The following PCDHGB5 variants were observed in gnomAD, a reference collection of about 807,000 sequenced individuals.
PCDHGB5 encodes the protein protocadherin gamma-B5.
Under a neutral mutation model 62.9 loss-of-function variants are expected in PCDHGB5, and 48 were observed. That is an observed-to-expected ratio of 0.76 (90% confidence interval 0.61 to 0.97). PCDHGB5 has a LOEUF of 0.97. Among genes scored for constraint, PCDHGB5 ranks in the 50% least tolerant of loss-of-function variants. The probability of loss-of-function intolerance (pLI) is 0.00; values close to 1 mark genes in which losing one functional copy is unlikely to be tolerated. For missense variants in PCDHGB5, 1,118 were observed against 1,198.6 expected, an observed-to-expected ratio of 0.93 and a Z score of 0.99; for synonymous variants, 474 against 511.2, an observed-to-expected ratio of 0.93 and a Z score of 0.98.
At position 141,398,050 on chromosome 5, in the gene PCDHGB5, T is replaced by C. The variant is rs558695876; in HGVS notation, c.-78T>C. Reference sequence around the variant, plus strand: ...ACTGGAACTAAAGCCCGTTCGGAGATCCAAAAATCTACAATACAGAGGTTA... The same window carrying C: ...ACTGGAACTAAAGCCCGTTCGGAGACCCAAAAATCTACAATACAGAGGTTA... On this transcript the variant is annotated 5_prime_UTR_variant, in exon 1 of 4. Coordinates refer to ENST00000617380, the MANE Select transcript of PCDHGB5 (RefSeq NM_018925.3). 12 of 1,510,524 alleles carry C rather than the reference T, an allele frequency of 7.9e-6. No individual in the cohort carries two copies. The African/African-American group carries it at 1.1e-4, about 14-fold the overall frequency. 93.6% of individuals were successfully genotyped at this position (1,510,524 alleles called of 1,614,324 possible). A position where few individuals can be genotyped will look rare whatever the true frequency, so the allele number is the denominator to read the frequency against.
intron 1 of PCDHGB5, among the ~76,000 whole-genome samples, chr5:141,429,826 C>T (rs1211415098): frequency 2.6e-5 from 4 of 152,054 alleles, no homozygotes; most frequent in Non-Finnish European, 4.4e-5. Context: ...GGTCAGTTAC[C>T]CAGGAAAAGG....
chr5:141,478,509 G>C, intron 1 of PCDHGB5: 1 of 1,611,878 alleles, frequency 6.2e-7, no homozygotes, highest in Non-Finnish European at 8.5e-7. Context: ...GTGTTCTATA[G>C]GCAGGTGTTG....
intron 1 of PCDHGB5, chr5:141,418,471 G>A (rs199547102): frequency 1.9e-6 from 3 of 1,614,002 alleles, no homozygotes; most frequent in South Asian, 2.2e-5. Flanking sequence ...ACCGAGAAAC[G>A]CAGAGCGCTC....
At chr5:141,403,056 T>A in intron 1 of PCDHGB5, 1 of 1,614,046 alleles carries the variant, frequency 6.2e-7, no homozygotes, top group Non-Finnish European at 8.5e-7. Flanking sequence ...CGCTACTCAG[T>A]GCCTGAAGAG....
At position 141,435,341 on chromosome 5, in the gene PCDHGB5, C is replaced by T. The variant is rs73794903; in HGVS notation, c.2397+34817C>T. 9.3e-3 allele frequency among the ~76,000 whole-genome samples: 1,412 copies of T among 152,206 alleles called. 25 individuals carry two copies. Among genetic ancestry groups the T allele is most frequent in the African/African-American group, 0.032 (1,313 of 41,532 alleles). On this transcript the variant is annotated intron_variant, in intron 1 of 3. Coordinates refer to ENST00000617380, the MANE Select transcript of PCDHGB5 (RefSeq NM_018925.3). ...ACTTCCAAATATAGTGAATTTATTT[C>T]TTCTGCATTTAAAATTTTATCACTT...
intron 1 of PCDHGB5, among the ~76,000 whole-genome samples, chr5:141,459,962 C>T (rs994878993): frequency 5.3e-5 from 8 of 152,290 alleles, no homozygotes; most frequent in South Asian, 2.1e-4. Flanking sequence ...CCTGTAATCC[C>T]AGCTACTCAG....
At chr5:141,502,008 C>T (rs753492460) in intron 2 of PCDHGB5, among the ~76,000 whole-genome samples, 6 of 152,086 alleles carry the variant, frequency 3.9e-5, no homozygotes, top group Non-Finnish European at 8.8e-5. Context: ...AACCCGCATG[C>T]TCTCCTCCCT....
At position 141,477,023 on chromosome 5, in the gene PCDHGB5, A is replaced by T. The variant is rs763926460; in HGVS notation, c.2398-17784A>T. ...ATTCGCCTTAGACCTTGTAACCGGG[A>T]TGCTGACAATCAAGGGTCGGCTGGA... is the stretch of plus-strand genomic sequence containing the variant. On this transcript the variant is annotated intron_variant, in intron 1 of 3. Transcript: ENST00000617380. The surrounding 1 kb of genome is among the most constrained non-coding windows in gnomAD (Gnocchi z 4.9). 6.2e-7 allele frequency: 1 copy of T among 1,614,240 alleles called. No homozygotes were observed. The highest frequency in any genetic ancestry group is 8.5e-7 in the Non-Finnish European group (1 of 1,180,040).
chr5:141,500,232 G>A (rs1024752888), intron 2 of PCDHGB5, among the ~76,000 whole-genome samples: 1 of 137,690 alleles, frequency 7.3e-6, no homozygotes, highest in South Asian at 2.3e-4. Flanking sequence ...TTATTGATAC[G>A]TAGCCTTGCT....
At chr5:141,409,967 AC>A (rs779248187) in intron 1 of PCDHGB5, 29 of 1,613,086 alleles carry the variant, frequency 1.8e-5, no homozygotes, top group Non-Finnish European at 2.4e-5. Flanking sequence ...CTACCTAGTG[AC>A]TAAGGTGGTA....
At chr5:141,453,083 A>G (rs1404530649) in intron 1 of PCDHGB5, among the ~76,000 whole-genome samples, 1 of 152,044 alleles carries the variant, frequency 6.6e-6, no homozygotes, top group African/African-American at 2.4e-5. Flanking sequence ...CTGGTTGATT[A>G]GTATATTTTC....
At chr5:141,423,256 G>C (rs751894091) in intron 1 of PCDHGB5, 1 of 1,613,934 alleles carries the variant, frequency 6.2e-7, no homozygotes. Flanking sequence ...GGCGGACCTC[G>C]GCAGCCTCGA....
intron 1 of PCDHGB5, chr5:141,409,423 T>G: frequency 6.2e-7 from 1 of 1,614,026 alleles, no homozygotes; most frequent in Non-Finnish European, 8.5e-7. Context: ...TGGTGACAGA[T>G]GGAGCCCTGG....
chr5:141,410,788 C>A, intron 1 of PCDHGB5: 2 of 712,228 alleles, frequency 2.8e-6, no homozygotes, highest in Non-Finnish European at 4.0e-6. Context: ...GTATTTGGTT[C>A]ATAAGTTGCT....
rs539348000 is a variant in PCDHGB5 at position 141,504,908 on chromosome 5, G to A, written c.2457-485G>A. 5.9e-5 allele frequency among the ~76,000 whole-genome samples: 9 copies of A among 152,208 alleles called. No homozygotes were observed. In the East Asian group the frequency reaches 1.7e-3, roughly 29 times the overall value. On this transcript the variant is annotated intron_variant, in intron 2 of 3. Coordinates refer to ENST00000617380, the MANE Select transcript of PCDHGB5 (RefSeq NM_018925.3). Reference sequence around the variant, plus strand: ...AGGTCTGATCTCCCTCACTATGACAGGAAGCCAGGCTCTCTCATGGTGGGT... The same window carrying A: ...AGGTCTGATCTCCCTCACTATGACAAGAAGCCAGGCTCTCTCATGGTGGGT...
chr5:141,444,325 C>G (rs2098432231), intron 1 of PCDHGB5, among the ~76,000 whole-genome samples: 1 of 151,840 alleles, frequency 6.6e-6, no homozygotes, highest in Non-Finnish European at 1.5e-5. Flanking sequence ...GCATGTGCCA[C>G]CACGCCCAGC....
Position 141,487,532 on chromosome 5 carries a change from A to C in PCDHGB5, c.2398-7275A>C. 6.2e-7 allele frequency: 1 copy of C among 1,614,158 alleles called. No homozygotes were observed. Among genetic ancestry groups the C allele is most frequent in the Non-Finnish European group, 8.5e-7 (1 of 1,180,022 alleles). On this transcript the variant is annotated intron_variant, in intron 1 of 3. Transcript: ENST00000617380. This position sits in a 1 kb window ranked among gnomAD's most constrained non-coding sequence, Gnocchi z 5.0. Reference sequence around the variant, plus strand: ...ACCCACTCGGAGTGATAGCTTCATGATGGTGAAGTCACCCAGTGCACCTAT... The same window carrying C: ...ACCCACTCGGAGTGATAGCTTCATGCTGGTGAAGTCACCCAGTGCACCTAT...
chr5:141,504,228 C>T lies in PCDHGB5; in HGVS notation c.2457-1165C>T, dbSNP rs114896014. Among the ~76,000 whole-genome samples, 193 of 152,312 alleles carry T rather than the reference C, an allele frequency of 1.3e-3. 1 individual carries two copies. The highest frequency in any genetic ancestry group is 2.1e-3 in the Admixed American group (32 of 15,304). ...AAAATTCCAAGTAGAGCTGAACCTT[C>T]TAAGAAGCAGAGAGTTCTTCTTATG... On this transcript the variant is annotated intron_variant, in intron 2 of 3. Coordinates refer to ENST00000617380, the MANE Select transcript of PCDHGB5 (RefSeq NM_018925.3).
At chr5:141,456,788 C>A (rs2098888156) in intron 1 of PCDHGB5, among the ~76,000 whole-genome samples, 1 of 152,088 alleles carries the variant, frequency 6.6e-6, no homozygotes, top group Admixed American at 6.5e-5. Flanking sequence ...CATGGCAAAA[C>A]CCCATCTCTA....
Sources: gnomAD v4.1 joint callset for allele counts (sites outside exome capture counted in the v4.1 genomes callset) on GRCh38, gnomAD v4.1.1 for gene constraint, Gnocchi (gnomAD v3.1) non-coding constraint, MANE v1.5 for transcripts, NCBI Gene and HGNC (gene_info 2026-07-23, HGNC 2026-07-21) for gene names.